Variants in IGSF11 observed in about 807,000 individuals in gnomAD.
IGSF11 encodes immunoglobulin superfamily member 11.
A neutral mutation model predicts 41.0 loss-of-function variants in IGSF11; 22 were observed. The ratio of observed to expected loss-of-function variants is 0.54; its 90% CI spans 0.38 to 0.77. The LOEUF is 0.77. Ranked by LOEUF, IGSF11 falls within the 30% of genes least tolerant of loss-of-function variation. The pLI, the probability that IGSF11 is intolerant of heterozygous loss-of-function variation, is 0.00. For synonymous variants in IGSF11, 219 were observed against 201.3 expected, an observed-to-expected ratio of 1.09 and a Z score of -0.74; for missense variants, 444 against 530.8, an observed-to-expected ratio of 0.84 and a Z score of 1.61.
chr3:119,072,195 C>T (rs1465242442), intron 1 of IGSF11, among the ~76,000 whole-genome samples: 2 of 152,190 alleles, frequency 1.3e-5, no homozygotes, highest in Non-Finnish European at 2.9e-5. Context: ...GTGGGTTTCT[C>T]TTCCTTGCAA....
At chr3:119,079,594 T>C (rs1291114617) in intron 1 of IGSF11, among the ~76,000 whole-genome samples, 2 of 152,198 alleles carry the variant, frequency 1.3e-5, no homozygotes, top group East Asian at 1.9e-4. Context: ...GTGTGTTCAT[T>C]GCAGCACTAT....
At chr3:118,998,049 T>C (rs1936445058) in intron 1 of IGSF11, among the ~76,000 whole-genome samples, 1 of 152,184 alleles carries the variant, frequency 6.6e-6, no homozygotes. Flanking sequence ...AAGCTGGTAA[T>C]GGCGCTTCTA....
At chr3:119,111,595 A>G (rs2077161776) in intron 1 of IGSF11, among the ~76,000 whole-genome samples, 1 of 152,204 alleles carries the variant, frequency 6.6e-6, no homozygotes, top group African/African-American at 2.4e-5. Context: ...TCAACTCGTC[A>G]AAGTCATTCT....
intron 3 of IGSF11, among the ~76,000 whole-genome samples, chr3:118,927,324 TC>T (rs1942415335): frequency 1.3e-5 from 2 of 152,068 alleles, no homozygotes; most frequent in African/African-American, 4.8e-5. Context: ...AGAAGTTAAG[TC>T]TGGACAAACA....
intron 1 of IGSF11, among the ~76,000 whole-genome samples, chr3:118,974,855 A>C (rs1226290454): frequency 1.3e-5 from 2 of 152,150 alleles, no homozygotes; most frequent in Non-Finnish European, 2.9e-5. Context: ...TAATCTCATT[A>C]AAAATATATT....
At position 118,939,941 on chromosome 3, in the gene IGSF11, T is replaced by G. The variant is rs188310281; in HGVS notation, c.53-9666A>C. ...TTTAGTTATCTGAGGTCAATAAAATTTATAAATCTCTAACCAGACTGACAA... is the reference window on the plus strand; with the variant it reads ...TTTAGTTATCTGAGGTCAATAAAATGTATAAATCTCTAACCAGACTGACAA... On this transcript the variant is annotated intron_variant, in intron 1 of 6. Coordinates refer to ENST00000393775, the MANE Select transcript of IGSF11 (RefSeq NM_001015887.3). Among the ~76,000 whole-genome samples the G allele has an allele frequency of 3.5e-3, 536 of 152,104 alleles. 4 individuals carry two copies. Among genetic ancestry groups the G allele is most frequent in the African/African-American group, 0.012 (480 of 41,486 alleles).
At chr3:119,002,544 G>A (rs1255777580) in intron 1 of IGSF11, among the ~76,000 whole-genome samples, 2 of 132,404 alleles carry the variant, frequency 1.5e-5, no homozygotes, top group Non-Finnish European at 3.1e-5. Flanking sequence ...TGAAGTCCTT[G>A]CCCACGCCTA....
chr3:119,022,663 A>G (rs1939411153), intron 1 of IGSF11, among the ~76,000 whole-genome samples: 1 of 152,190 alleles, frequency 6.6e-6, no homozygotes, highest in Admixed American at 6.5e-5. Flanking sequence ...ACCTACATAC[A>G]TACACACACA....
In IGSF11 at chr3:118,940,747, A is replaced by G. The variant is rs145385602; in HGVS notation, c.53-10472T>C. ...GAAAAAAAGTAAGTTATAAAGTAAT[A>G]TAGATAAAGTAGCATTGGAATAAGG... On this transcript the variant is annotated intron_variant, in intron 1 of 6. Transcript: ENST00000393775. 6.0e-3 allele frequency among the ~76,000 whole-genome samples: 912 copies of G among 152,164 alleles called. 2 individuals are homozygous for G. The highest frequency in any genetic ancestry group is 0.013 in the South Asian group (61 of 4,828).
At chr3:119,010,516 T>C (rs1249221566) in intron 1 of IGSF11, among the ~76,000 whole-genome samples, 3 of 152,134 alleles carry the variant, frequency 2.0e-5, no homozygotes, top group Admixed American at 1.3e-4. Context: ...CTTATGTGAG[T>C]GGGCCATTTA....
intron 4 of IGSF11, among the ~76,000 whole-genome samples, chr3:118,908,513 G>A (rs1939884096): frequency 6.6e-6 from 1 of 152,118 alleles, no homozygotes; most frequent in Non-Finnish European, 1.5e-5. Flanking sequence ...AAACTAGCAG[G>A]CTAATTCTGC....
intron 1 of IGSF11, among the ~76,000 whole-genome samples, chr3:119,113,970 T>C (rs1480910683): frequency 6.6e-6 from 1 of 152,226 alleles, no homozygotes; most frequent in Non-Finnish European, 1.5e-5. Flanking sequence ...TTGCATCCTT[T>C]GAAGCAGTGA....
intron 1 of IGSF11, among the ~76,000 whole-genome samples, chr3:118,973,984 T>C (rs760598205): frequency 1.6e-4 from 25 of 152,120 alleles, no homozygotes; most frequent in Admixed American, 8.5e-4. Flanking sequence ...TCAGGATAAA[T>C]AGCTATTGCA....
At chr3:119,031,856 G>A (rs1354509181) in intron 1 of IGSF11, among the ~76,000 whole-genome samples, 1 of 152,024 alleles carries the variant, frequency 6.6e-6, no homozygotes, top group Admixed American at 6.5e-5. Context: ...ACACTGAAAA[G>A]GTTCATGACT....
At chr3:118,991,683 T>TGCTCACGTATAAGAGA (rs1935806714) in intron 1 of IGSF11, among the ~76,000 whole-genome samples, 1 of 152,216 alleles carries the variant, frequency 6.6e-6, no homozygotes. Context: ...ATAAGATAAA[T>TGCTCACGTATAAGAGA]GCTCACGTAT....
Position 119,034,685 on chromosome 3 carries a change from C to T in IGSF11, c.-103G>A, listed in dbSNP as rs1940775084. The T allele has an allele frequency of 2.8e-6, 4 of 1,408,358 alleles. No individual in the cohort carries two copies. Among genetic ancestry groups the T allele is most frequent in the South Asian group, 3.1e-5 (2 of 64,606 alleles). The allele number at this position is 1,408,358 out of a possible 1,614,324, so 87.2% of individuals were successfully genotyped here. On this transcript the variant is annotated 5_prime_UTR_variant, in exon 1 of 7. Coordinates refer to ENST00000393775, the MANE Select transcript of IGSF11 (RefSeq NM_001015887.3). ...CGCTCTTGGGGCAGCCTGGTCCTCC[C>T]ACACCCAGCGCCGGGCCGCTGTTCC...
At position 118,910,443 on chromosome 3, in the gene IGSF11, C is replaced by A. The variant is rs190034779; in HGVS notation, c.581-4725G>T. Reference sequence around the variant, plus strand: ...AATCTCTCTTGAATCTTACCCTCCCCCACTGTGCCTTCTCCACCCCTGTCA... The same window carrying A: ...AATCTCTCTTGAATCTTACCCTCCCACACTGTGCCTTCTCCACCCCTGTCA... On this transcript the variant is annotated intron_variant, in intron 4 of 6. Transcript: ENST00000393775. Among the ~76,000 whole-genome samples, 334 of 152,252 alleles carry A rather than the reference C, an allele frequency of 2.2e-3. 1 individual carries two copies. The Middle Eastern group carries it at 0.031, about 14-fold the overall frequency.
chr3:119,031,355 G>A (rs1247479938), intron 1 of IGSF11, among the ~76,000 whole-genome samples: 1 of 152,188 alleles, frequency 6.6e-6, no homozygotes, highest in Non-Finnish European at 1.5e-5. Context: ...AACTCAGTAA[G>A]TACTGCCTGT....
Position 119,047,852 on chromosome 3 carries a change from A to G in IGSF11, c.49+57292T>C, listed in dbSNP as rs527484158. Among the ~76,000 whole-genome samples, 33 of 152,224 alleles carry G rather than the reference A, an allele frequency of 2.2e-4. 1 individual carries two copies. In the South Asian group the frequency reaches 5.2e-3, roughly 24 times the overall value. Reference sequence around the variant, plus strand: ...CTCAGGATTAAGAATCTCACTCAAAACTGCTCAACTACATGGAAACTGAAC... The same window carrying G: ...CTCAGGATTAAGAATCTCACTCAAAGCTGCTCAACTACATGGAAACTGAAC... On this transcript the variant is annotated intron_variant, in intron 1 of 6. Coordinates refer to the IGSF11 transcript ENST00000354673.
Sources: allele counts gnomAD v4.1 joint callset (sites outside exome capture counted in the v4.1 genomes callset), GRCh38; gene constraint gnomAD v4.1.1; transcripts MANE v1.5; gene names NCBI Gene and HGNC (gene_info 2026-07-23, HGNC 2026-07-21).